Variants in COL24A1 observed in about 807,000 individuals in gnomAD.
COL24A1 encodes the protein collagen type XXIV alpha 1 chain.
COL24A1 carries 224 observed loss-of-function variants against 253.9 expected under a neutral mutation model. The observed-to-expected ratio is 0.88, with a 90% CI of 0.79 to 0.99. COL24A1 has a LOEUF of 0.99. Among genes scored for constraint, COL24A1 ranks in the 50% least tolerant of loss-of-function variants. The pLI, the probability that COL24A1 is intolerant of heterozygous loss-of-function variation, is 0.00. For missense variants in COL24A1, 2,131 were observed against 2,068.5 expected, an observed-to-expected ratio of 1.03 and a Z score of -0.59; for synonymous variants, 685 against 673.7, an observed-to-expected ratio of 1.02 and a Z score of -0.26.
intron 52 of COL24A1, among the ~76,000 whole-genome samples, chr1:85,777,809 A>G (rs1336754493): frequency 6.6e-6 from 1 of 152,146 alleles, no homozygotes; most frequent in Non-Finnish European, 1.5e-5. Flanking sequence ...CCCTTCTGAG[A>G]AGTTAAATGT....
intron 26 of COL24A1, among the ~76,000 whole-genome samples, chr1:85,908,951 ATTCAT>A (rs1414481298): frequency 6.6e-6 from 1 of 151,766 alleles, no homozygotes; most frequent in Non-Finnish European, 1.5e-5. Flanking sequence ...ATAAGAGAAC[ATTCAT>A]TTCATTTTTC....
chr1:85,859,847 T>C (rs1678932848), intron 37 of COL24A1, among the ~76,000 whole-genome samples: 1 of 152,172 alleles, frequency 6.6e-6, no homozygotes, highest in African/African-American at 2.4e-5. Context: ...TGCTATTTTT[T>C]TGGTGTGTGC....
intron 10 of COL24A1, among the ~76,000 whole-genome samples, chr1:86,051,403 A>C (rs1409700238): frequency 2.4e-5 from 3 of 123,756 alleles, no homozygotes; most frequent in Non-Finnish European, 5.7e-5. Context: ...TTGCCTAGAG[A>C]GAAGATTAAT....
chr1:86,023,364 G>T (rs1697734484), intron 14 of COL24A1, among the ~76,000 whole-genome samples: 3 of 152,130 alleles, frequency 2.0e-5, no homozygotes, highest in African/African-American at 7.2e-5. Flanking sequence ...CTAGTCAACA[G>T]ATACTTCATT....
At chr1:85,857,458 C>CA (rs57368737) in intron 37 of COL24A1, among the ~76,000 whole-genome samples, 1,884 of 94,300 alleles carry the variant, frequency 0.02, 56 homozygotes, top group African/African-American at 0.068. Context: ...CCCTCTTCTC[C>CA]AAAAAAAAAA....
chr1:86,124,767 T>G, intron 3 of COL24A1, 78 bp downstream of exon 3: 1 of 1,131,226 alleles, frequency 8.8e-7, no homozygotes, highest in Non-Finnish European at 1.2e-6. Context: ...TCCAGAGAAC[T>G]CTCTTTAAAA....
chr1:85,816,675 T>C, intron 47 of COL24A1, 113 bp downstream of exon 47: 1 of 810,298 alleles, frequency 1.2e-6, no homozygotes, highest in Non-Finnish European at 2.1e-6. Context: ...AGAAATGAAC[T>C]GGCTTAATCT....
At chr1:86,146,072 A>G (rs1319234471) in intron 2 of COL24A1, 47 bp downstream of exon 2, 2 of 1,465,582 alleles carry the variant, frequency 1.4e-6, no homozygotes, top group African/African-American at 2.8e-5. Flanking sequence ...GCTGTCTGGA[A>G]GTAGAATTTT....
chr1:85,735,362 T>G (rs1663937687), intron 58 of COL24A1, among the ~76,000 whole-genome samples: 1 of 152,220 alleles, frequency 6.6e-6, no homozygotes, highest in South Asian at 2.1e-4. Flanking sequence ...TTTCACAGTA[T>G]ATAAAGTAAC....
At chr1:85,972,876 G>T (rs1474003227) in intron 20 of COL24A1, among the ~76,000 whole-genome samples, 1 of 151,406 alleles carries the variant, frequency 6.6e-6, no homozygotes, top group African/African-American at 2.4e-5. Context: ...GACAGCCTGA[G>T]AATGAAATCA....
rs771152323 is a variant in COL24A1, at chr1:86,006,711, C to T, written c.2310+10440G>A. Among the ~76,000 whole-genome samples the T allele has an allele frequency of 5.3e-4, 81 of 151,880 alleles. 1 individual carries two copies. Among genetic ancestry groups the T allele is most frequent in the South Asian group, 6.3e-4 (3 of 4,800 alleles). Reference sequence around the variant, plus strand: ...AGAGAATAAGAAGACAAACCACAGACGGGAAGAAAATATTTGCAAAAGGCA... The same window carrying T: ...AGAGAATAAGAAGACAAACCACAGATGGGAAGAAAATATTTGCAAAAGGCA... On this transcript the variant is annotated intron_variant, in intron 19 of 59. Coordinates refer to ENST00000370571, the MANE Select transcript of COL24A1 (RefSeq NM_152890.7).
At chr1:85,965,697 T>A (rs1016822557) in intron 22 of COL24A1, among the ~76,000 whole-genome samples, 1 of 152,006 alleles carries the variant, frequency 6.6e-6, no homozygotes, top group Non-Finnish European at 1.5e-5. Flanking sequence ...GAGTTGGCAG[T>A]TTGGTGGCAT....
At position 86,138,848 on chromosome 1, in the gene COL24A1, C is replaced by CTT. The variant is rs140109854; in HGVS notation, c.121+7269_121+7270dup. Among the ~76,000 whole-genome samples, 4 of 148,752 alleles carry CTT rather than the reference C, an allele frequency of 2.7e-5. No individual in the cohort carries two copies. In the East Asian group the frequency reaches 7.9e-4, roughly 29 times the overall value. ...TTCTTGCCATAACAAAGCTTATCTG[C>CTT]TTTTTTTTTTATCTCATCCCGTCAG... On this transcript the variant is annotated intron_variant, in intron 2 of 59. Coordinates refer to ENST00000370571, the MANE Select transcript of COL24A1 (RefSeq NM_152890.7).
chr1:86,145,992 C>A, intron 2 of COL24A1, 127 bp downstream of exon 2: 1 of 723,130 alleles, frequency 1.4e-6, no homozygotes, highest in African/African-American at 1.8e-5. Context: ...TCTCATGGTA[C>A]TGGGTGGAAT....
At chr1:86,081,796 G>T (rs188993195) in intron 7 of COL24A1, among the ~76,000 whole-genome samples, 1 of 152,004 alleles carries the variant, frequency 6.6e-6, no homozygotes, top group African/African-American at 2.4e-5. Context: ...TGTGTTGTTC[G>T]GGAACTGACG....
intron 5 of COL24A1, among the ~76,000 whole-genome samples, chr1:86,108,040 A>T (rs1705172099): frequency 6.6e-6 from 1 of 152,210 alleles, no homozygotes; most frequent in Non-Finnish European, 1.5e-5. Context: ...GAATAGTTAT[A>T]GTCAAAATTA....
At chr1:86,059,226 T>G (rs1475137268) in intron 8 of COL24A1, 52 bp from the exon 9 acceptor site, 1 of 1,369,176 alleles carries the variant, frequency 7.3e-7, no homozygotes. Flanking sequence ...GAAACAAATT[T>G]GGTATATTTA....
chr1:85,915,308 T>C (rs570842136), intron 24 of COL24A1, among the ~76,000 whole-genome samples: 3 of 152,238 alleles, frequency 2.0e-5, no homozygotes, highest in Non-Finnish European at 2.9e-5. Context: ...TAATCAGTGC[T>C]GTAGGTCTCA....
chr1:86,094,979 C>A (rs1703796592), intron 5 of COL24A1, among the ~76,000 whole-genome samples: 1 of 151,844 alleles, frequency 6.6e-6, no homozygotes, highest in South Asian at 2.1e-4. Flanking sequence ...TATTACAAAT[C>A]TTATCTATTG....
Sources: allele counts gnomAD v4.1 joint callset (sites outside exome capture counted in the v4.1 genomes callset), GRCh38; gene constraint gnomAD v4.1.1; transcripts MANE v1.5; gene names NCBI Gene and HGNC (gene_info 2026-07-23, HGNC 2026-07-21).